Variants in PPHLN1 observed in about 807,000 individuals in gnomAD.
The protein encoded by PPHLN1 is periphilin 1.
In PPHLN1, 29 loss-of-function variants were observed where a neutral mutation model predicts 51.3. That is an observed-to-expected ratio of 0.57 (90% CI 0.42 to 0.77). PPHLN1 has a LOEUF of 0.77. Ranked by LOEUF, PPHLN1 falls within the 30% of genes least tolerant of loss-of-function variation. The probability of loss-of-function intolerance (pLI) is 0.00; values close to 1 mark genes in which losing one functional copy is unlikely to be tolerated. For missense variants in PPHLN1, 436 were observed against 438.4 expected, an observed-to-expected ratio of 0.99 and a Z score of 0.05; for synonymous variants, 147 against 147.8, an observed-to-expected ratio of 0.99 and a Z score of 0.04.
At chr12:42,347,731 GAT>G (rs1334624873) in intron 2 of PPHLN1, among the ~76,000 whole-genome samples, 2 of 152,190 alleles carry the variant, frequency 1.3e-5, no homozygotes, top group African/African-American at 4.8e-5. Flanking sequence ...AGTGAGCTGA[GAT>G]TGCACCACCG....
chr12:42,444,212 A>G (rs752273405), downstream of PPHLN1: 7 of 152,166 alleles, frequency 4.6e-5, no homozygotes, highest in Non-Finnish European at 1.0e-4. Context: ...TAAGACCTCA[A>G]AAGGTTAAAT....
intron 5 of PPHLN1, among the ~76,000 whole-genome samples, chr12:42,380,632 T>A (rs963635540): frequency 5.9e-5 from 9 of 152,088 alleles, no homozygotes; most frequent in East Asian, 3.8e-4. Flanking sequence ...ATTCTTTTTT[T>A]AAAAAAACTA....
At chr12:42,380,939 A>G (rs1164841879) in intron 5 of PPHLN1, among the ~76,000 whole-genome samples, 1 of 152,194 alleles carries the variant, frequency 6.6e-6, no homozygotes, top group Non-Finnish European at 1.5e-5. Context: ...GACAGATTCA[A>G]TCTCTGCCTT....
At chr12:42,392,133 T>C (rs970700503) in intron 7 of PPHLN1, among the ~76,000 whole-genome samples, 1 of 152,124 alleles carries the variant, frequency 6.6e-6, no homozygotes, top group Non-Finnish European at 1.5e-5. Flanking sequence ...GGGGAATCGC[T>C]TGAACCCAGG....
intron 9 of PPHLN1, among the ~76,000 whole-genome samples, chr12:42,401,918 G>A (rs957489218): frequency 1.3e-5 from 2 of 151,938 alleles, no homozygotes; most frequent in East Asian, 1.9e-4. Context: ...GCAGTGGCAC[G>A]ATTACACCTC....
intron 3 of PPHLN1, among the ~76,000 whole-genome samples, chr12:42,352,969 A>G (rs2073568526): frequency 2.0e-5 from 3 of 151,872 alleles, no homozygotes; most frequent in Admixed American, 1.3e-4. Context: ...GGTGCCTGTA[A>G]TCCCAGCTAC....
At chr12:42,359,380 T>C (rs781137444) in intron 4 of PPHLN1, 1 of 152,252 alleles carries the variant, frequency 6.6e-6, no homozygotes, top group African/African-American at 2.4e-5. Flanking sequence ...GTAGCCTACA[T>C]TTTAATATGA....
chr12:42,359,531 A>G (rs962486757), intron 4 of PPHLN1: 1 of 152,238 alleles, frequency 6.6e-6, no homozygotes, highest in Non-Finnish European at 1.5e-5. Flanking sequence ...GTTTTATGCT[A>G]TCACAGTAGC....
In PPHLN1 at chr12:42,333,556, C is replaced by T. The variant is rs2070114428; in HGVS notation, c.-20-2327C>T. 2.0e-5 allele frequency among the ~76,000 whole-genome samples: 3 copies of T among 152,030 alleles called. No individual in the cohort carries two copies. The South Asian group carries it at 6.2e-4, about 32-fold the overall frequency. The stretch of plus-strand genomic sequence containing the variant: ...GGAGTGCAGTGGCACAATCTTAGCT[C>T]ACTGCAAGCTCCGCCTCCCGGGTTC... On this transcript the variant is annotated intron_variant, in intron 1 of 9. Transcript: ENST00000358314.
intron 7 of PPHLN1, among the ~76,000 whole-genome samples, chr12:42,391,067 A>G (rs373788797): frequency 6.6e-6 from 1 of 152,160 alleles, no homozygotes; most frequent in East Asian, 1.9e-4. Flanking sequence ...GCCCAAGGTC[A>G]CATGGTAGCT....
At chr12:42,333,760 G>A (rs1293806771) in intron 1 of PPHLN1, among the ~76,000 whole-genome samples, 1 of 152,184 alleles carries the variant, frequency 6.6e-6, no homozygotes, top group Non-Finnish European at 1.5e-5. Flanking sequence ...GGGATTACAA[G>A]CGTGAGCCGC....
At chr12:42,375,472 C>T (rs2076188426) in intron 5 of PPHLN1, among the ~76,000 whole-genome samples, 1 of 151,692 alleles carries the variant, frequency 6.6e-6, no homozygotes, top group African/African-American at 2.4e-5. Context: ...CCACCATGCC[C>T]GGCTAATTTT....
intron 5 of PPHLN1, among the ~76,000 whole-genome samples, chr12:42,379,932 G>A (rs2076619630): frequency 1.3e-5 from 2 of 152,022 alleles, no homozygotes; most frequent in South Asian, 4.1e-4. Flanking sequence ...CTAGAGATCT[G>A]TTAACCTGAA....
intron 9 of PPHLN1, among the ~76,000 whole-genome samples, chr12:42,417,059 G>A (rs17091193): frequency 0.11 from 16,734 of 152,130 alleles, 1,143 homozygotes; most frequent in African/African-American, 0.19. Flanking sequence ...ACTTTTTGAG[G>A]GAGGGATAAT....
intron 4 of PPHLN1, among the ~76,000 whole-genome samples, chr12:42,357,367 G>A (rs2074159284): frequency 1.3e-5 from 2 of 152,296 alleles, no homozygotes; most frequent in East Asian, 3.9e-4. Context: ...GATACCATAT[G>A]TGCATAATTA....
chr12:42,376,776 A>T (rs1394572617), intron 5 of PPHLN1, among the ~76,000 whole-genome samples: 1 of 152,220 alleles, frequency 6.6e-6, no homozygotes, highest in Non-Finnish European at 1.5e-5. Context: ...CAACAGAACG[A>T]GACTATGTCT....
chr12:42,355,222 G>A lies in PPHLN1; in HGVS notation c.299G>A (p.Arg100Lys). 6.2e-7 allele frequency: 1 copy of A among 1,611,946 alleles called. No homozygotes were observed. Residue 100 changes from arginine (R) to lysine (K), a missense_variant and splice_region_variant, in exon 4 of 10, where the codon AGG (arginine) becomes AAG (lysine). Transcript: ENST00000358314. ...TCTGCAAGCAGGCAACCTGAATACA[G>A]GTAAAAGGATAAAAATAATAGCATA... ...DHSASRQPEYRDMRDGFRRKS... is the reference protein window; with the variant it reads ...DHSASRQPEYKDMRDGFRRKS...
intron 9 of PPHLN1, among the ~76,000 whole-genome samples, chr12:42,408,025 T>G (rs547412859): frequency 6.6e-6 from 1 of 152,296 alleles, no homozygotes; most frequent in South Asian, 2.1e-4. Context: ...CTCCCATGAT[T>G]AGTGTTATTG....
chr12:42,431,486 A>G (rs2082029719), intron 9 of PPHLN1, among the ~76,000 whole-genome samples: 1 of 152,216 alleles, frequency 6.6e-6, no homozygotes, highest in Non-Finnish European at 1.5e-5. Context: ...ATAACCCAGT[A>G]GGTGTCAAAG....
Sources: allele counts gnomAD v4.1 joint callset (sites outside exome capture counted in the v4.1 genomes callset), GRCh38; gene constraint gnomAD v4.1.1; transcripts MANE v1.5; gene names NCBI Gene and HGNC (gene_info 2026-07-23, HGNC 2026-07-21).